Variants in IQCB1 observed in about 807,000 individuals in gnomAD.
IQCB1 encodes the protein IQ motif containing B1, also known as IQ calmodulin-binding motif-containing protein 1.
In IQCB1, 56 loss-of-function variants were observed where a neutral mutation model predicts 84.4. That is an observed-to-expected ratio of 0.66 (90% CI 0.54 to 0.83). IQCB1 has a LOEUF of 0.83. IQCB1 is among the 40% of genes least tolerant of loss of function. The probability of loss-of-function intolerance (pLI) is 0.00; values close to 1 mark genes in which losing one functional copy is unlikely to be tolerated. For missense variants in IQCB1, 629 were observed against 682.1 expected (o/e 0.92, Z 0.87); for synonymous variants, 210 against 234.8 (o/e 0.89, Z 0.96).
chr3:121,828,382 G>A, intron 4 of IQCB1, 88 bp downstream of exon 4: 1 of 1,158,832 alleles, frequency 8.6e-7, no homozygotes, highest in Non-Finnish European at 1.3e-6. Context: ...GCCAATGCTT[G>A]TTAGGCAGAT....
At chr3:121,807,285 A>G in intron 7 of IQCB1, 59 bp downstream of exon 7, 1 of 795,582 alleles carries the variant, frequency 1.3e-6, no homozygotes, top group Non-Finnish European at 2.1e-6. Flanking sequence ...AAATTGGAAT[A>G]AAATTGGTAA....
At chr3:121,785,481 T>G (rs933358045) in intron 12 of IQCB1, among the ~76,000 whole-genome samples, 1 of 152,126 alleles carries the variant, frequency 6.6e-6, no homozygotes, top group African/African-American at 2.4e-5. Flanking sequence ...TATATTACTT[T>G]CAATGAGGCT....
intron 12 of IQCB1, 70 bp from the exon 13 acceptor site, chr3:121,781,944 C>T: frequency 7.0e-7 from 1 of 1,428,270 alleles, no homozygotes. Context: ...CTCACTACAA[C>T]ATATGGTAGT....
At chr3:121,783,570 T>C (rs549556833) in intron 12 of IQCB1, among the ~76,000 whole-genome samples, 5 of 152,344 alleles carry the variant, frequency 3.3e-5, no homozygotes, top group African/African-American at 1.2e-4. Context: ...TTGTTTTCCA[T>C]ACTACCGATT....
chr3:121,793,831 T>C (rs1403137489), intron 10 of IQCB1, among the ~76,000 whole-genome samples: 1 of 152,130 alleles, frequency 6.6e-6, no homozygotes. Flanking sequence ...TAGAAAAAAA[T>C]CTGTAATCCT....
chr3:121,788,968 C>G (rs572192103), intron 11 of IQCB1, among the ~76,000 whole-genome samples: 1 of 152,168 alleles, frequency 6.6e-6, no homozygotes, highest in Non-Finnish European at 1.5e-5. Context: ...GTATAAGAAA[C>G]TGATATAATT....
In IQCB1 at chr3:121,784,695, T is replaced by C. The variant is rs375757450; in HGVS notation, c.1279-2821A>G. 2.0e-5 allele frequency among the ~76,000 whole-genome samples: 3 copies of C among 152,148 alleles called. No homozygotes were observed. The East Asian group carries it at 5.8e-4, about 29-fold the overall frequency. On this transcript the variant is annotated intron_variant, in intron 12 of 14. Coordinates refer to ENST00000310864, the MANE Select transcript of IQCB1 (RefSeq NM_001023570.4). ...CTAGTACTCTTACTTTTTGGTATTT[T>C]TTCTAAGACAGGGTCTCACTCTGTC...
intron 5 of IQCB1, among the ~76,000 whole-genome samples, chr3:121,810,611 G>A (rs1949788907): frequency 6.6e-6 from 1 of 151,432 alleles, no homozygotes. Flanking sequence ...AATATATAAG[G>A]AAAAAGAATT....
intron 12 of IQCB1, among the ~76,000 whole-genome samples, chr3:121,785,285 T>C (rs1948662838): frequency 6.6e-6 from 1 of 151,432 alleles, no homozygotes; most frequent in Admixed American, 6.6e-5. Context: ...AGGGTCTTAT[T>C]CCTATTACCC....
chr3:121,825,222 G>T (rs1420221040), intron 5 of IQCB1, among the ~76,000 whole-genome samples: 1 of 151,842 alleles, frequency 6.6e-6, no homozygotes, highest in Non-Finnish European at 1.5e-5. Flanking sequence ...CACCATGCCC[G>T]GCTAATTTTG....
At chr3:121,819,944 G>C (rs1428932431) in intron 5 of IQCB1, among the ~76,000 whole-genome samples, 1 of 152,040 alleles carries the variant, frequency 6.6e-6, no homozygotes, top group Non-Finnish European at 1.5e-5. Context: ...ACTTGGAGCA[G>C]ATCTCTACTT....
chr3:121,832,390 C>A (rs1162433311), intron 2 of IQCB1, among the ~76,000 whole-genome samples: 2 of 147,984 alleles, frequency 1.4e-5, no homozygotes, highest in African/African-American at 5.0e-5. Context: ...TGCAGTGGTG[C>A]AATCTCAGCT....
intron 12 of IQCB1, among the ~76,000 whole-genome samples, chr3:121,785,661 A>G (rs891592118): frequency 1.3e-5 from 2 of 152,186 alleles, no homozygotes; most frequent in African/African-American, 2.4e-5. Context: ...ATATACACAA[A>G]ATATTAGTAT....
At chr3:121,809,119 C>A in intron 5 of IQCB1, 110 bp from the exon 6 acceptor site, 1 of 669,556 alleles carries the variant, frequency 1.5e-6, no homozygotes, top group Non-Finnish European at 2.6e-6. Flanking sequence ...CTGGATCTAA[C>A]TTAGCTATTT....
chr3:121,825,532 T>G (rs983639856), intron 5 of IQCB1, among the ~76,000 whole-genome samples: 1 of 152,118 alleles, frequency 6.6e-6, no homozygotes, highest in Non-Finnish European at 1.5e-5. Context: ...CTTCAAATAT[T>G]TGGAAATTAA....
At position 121,805,507 on chromosome 3, in the gene IQCB1, G is replaced by A. The variant is rs1164937716; in HGVS notation, c.587+1837C>T. Reference sequence around the variant, plus strand: ...AAAATTAATTTTAAAATACAGCCAGGTTCAATAACCACATGCAGTTAAGTT... The same window carrying A: ...AAAATTAATTTTAAAATACAGCCAGATTCAATAACCACATGCAGTTAAGTT... On this transcript the variant is annotated intron_variant, in intron 7 of 14. Transcript: ENST00000310864. Among the ~76,000 whole-genome samples, 3 of 152,076 alleles carry A rather than the reference G, an allele frequency of 2.0e-5. No homozygotes were observed. The East Asian group carries it at 5.8e-4, about 29-fold the overall frequency.
intron 10 of IQCB1, among the ~76,000 whole-genome samples, chr3:121,790,592 A>G (rs1318331856): frequency 6.6e-6 from 1 of 152,222 alleles, no homozygotes; most frequent in Non-Finnish European, 1.5e-5. Context: ...GTCTCACAAC[A>G]GCGAGTTGGA....
chr3:121,819,951 A>T (rs6802715), intron 5 of IQCB1, among the ~76,000 whole-genome samples: 97,806 of 151,978 alleles, frequency 0.64, 31,966 homozygotes, highest in African/African-American at 0.71. Context: ...GCAGATCTCT[A>T]CTTGGAGGCT....
chr3:121,829,471 A>C (rs1950559368), intron 2 of IQCB1, among the ~76,000 whole-genome samples: 1 of 152,186 alleles, frequency 6.6e-6, no homozygotes, highest in Non-Finnish European at 1.5e-5. Context: ...AAAACTGTTT[A>C]TGAAAAACAA....
Sources: allele counts gnomAD v4.1 joint callset (sites outside exome capture counted in the v4.1 genomes callset), GRCh38; gene constraint gnomAD v4.1.1; transcripts MANE v1.5; gene names NCBI Gene and HGNC (gene_info 2026-07-23, HGNC 2026-07-21).